LGSN: variants seen among roughly 807,000 people sequenced by gnomAD.
The protein encoded by LGSN is lengsin.
LGSN carries 21 observed loss-of-function variants against 19.5 expected under a neutral mutation model. The ratio of observed to expected loss-of-function variants is 1.07; its 90% confidence interval spans 0.76 to 1.55. The LOEUF is 1.55. Among genes scored for constraint, LGSN ranks in the 40% most tolerant of loss-of-function variants. The probability of loss-of-function intolerance (pLI) is 0.00; values close to 1 mark genes in which losing one functional copy is unlikely to be tolerated. For synonymous variants in LGSN, 257 were observed against 215.6 expected (o/e 1.19, Z -1.68); for missense variants, 673 against 608.5 (o/e 1.11, Z -1.12).
At chr6:63,362,006 GT>G in the LGSN span, among the ~76,000 whole-genome samples, 1 of 152,168 alleles carries the variant, frequency 6.6e-6, no homozygotes, top group Non-Finnish European at 1.5e-5. Flanking sequence ...AACTATTTGT[GT>G]TGACAGAGTT....
At chr6:63,421,548 T>C in the LGSN span, among the ~76,000 whole-genome samples, 855 of 152,076 alleles carry the variant, frequency 5.6e-3, 8 homozygotes, top group African/African-American at 0.019. Context: ...ACCAACATGG[T>C]GAAACCTCGT....
At chr6:63,389,593 T>A in the LGSN span, among the ~76,000 whole-genome samples, 1 of 152,188 alleles carries the variant, frequency 6.6e-6, no homozygotes, top group East Asian at 1.9e-4. Context: ...TGAACAATGG[T>A]CCTGTGTAGT....
the LGSN span, among the ~76,000 whole-genome samples, chr6:63,367,333 T>C: frequency 7.9e-5 from 12 of 151,906 alleles, no homozygotes; most frequent in Non-Finnish European, 1.5e-4. Context: ...AACAAACACA[T>C]GAAAAAATGC....
the LGSN span, among the ~76,000 whole-genome samples, chr6:63,466,471 C>T: frequency 3.9e-5 from 6 of 152,272 alleles, no homozygotes; most frequent in Non-Finnish European, 8.8e-5. Context: ...TTAATGGATG[C>T]TCTGGCTACT....
chr6:63,548,977 G>C, the LGSN span: 1 of 740,810 alleles, frequency 1.3e-6, no homozygotes, highest in Non-Finnish European at 2.4e-6. Context: ...TAAGGGACCC[G>C]CATTTTATGA....
At chr6:63,554,869 G>T in the LGSN span, among the ~76,000 whole-genome samples, 1 of 152,138 alleles carries the variant, frequency 6.6e-6, no homozygotes, top group Non-Finnish European at 1.5e-5. Flanking sequence ...TCTTATTTAT[G>T]TTTGTATATC....
At chr6:63,384,489 T>TTTTGTG in the LGSN span, among the ~76,000 whole-genome samples, 2 of 131,504 alleles carry the variant, frequency 1.5e-5, no homozygotes, top group African/African-American at 5.8e-5. Flanking sequence ...AAATAACACC[T>TTTTGTG]TGTGTGTGTG....
At chr6:63,493,743 C>T in the LGSN span, among the ~76,000 whole-genome samples, 1 of 152,040 alleles carries the variant, frequency 6.6e-6, no homozygotes, top group African/African-American at 2.4e-5. Context: ...ACTTCTAAGC[C>T]CCATGAATGA....
At chr6:63,457,615 C>T in the LGSN span, among the ~76,000 whole-genome samples, 196 of 152,220 alleles carry the variant, frequency 1.3e-3, no homozygotes, top group Middle Eastern at 6.8e-3. Flanking sequence ...TGGTGGCTTA[C>T]GCCTGTAATT....
the LGSN span, among the ~76,000 whole-genome samples, chr6:63,564,576 C>A: frequency 6.6e-6 from 1 of 152,208 alleles, no homozygotes; most frequent in African/African-American, 2.4e-5. Flanking sequence ...AGCCTAAATG[C>A]CAACTCTGTA....
the LGSN span, among the ~76,000 whole-genome samples, chr6:63,328,623 C>T: frequency 3.0e-3 from 458 of 152,330 alleles, 3 homozygotes; most frequent in African/African-American, 0.01. Context: ...CTTAGGTATG[C>T]CACTGGTTGT....
At chr6:63,309,074 A>G (rs1768520456) in intron 1 of LGSN, among the ~76,000 whole-genome samples, 1 of 152,222 alleles carries the variant, frequency 6.6e-6, no homozygotes, top group South Asian at 2.1e-4. Context: ...TGAAAGTAGC[A>G]TACGAGAAAG....
chr6:63,542,632 G>A, the LGSN span, among the ~76,000 whole-genome samples: 296 of 152,048 alleles, frequency 1.9e-3, 1 homozygote, highest in African/African-American at 6.6e-3. Context: ...TCTCCTTGGC[G>A]CTTCACATAG....
At chr6:63,481,375 C>T in the LGSN span, among the ~76,000 whole-genome samples, 1 of 145,684 alleles carries the variant, frequency 6.9e-6, no homozygotes, top group Admixed American at 6.8e-5. Context: ...CGGGGTCTGG[C>T]TCTGTCGCCC....
At chr6:63,502,710 C>T in the LGSN span, among the ~76,000 whole-genome samples, 1 of 152,216 alleles carries the variant, frequency 6.6e-6, no homozygotes, top group African/African-American at 2.4e-5. Context: ...ACGAGTAAAT[C>T]CTGAAATTTG....
chr6:63,390,866 A>C, the LGSN span, among the ~76,000 whole-genome samples: 1 of 151,204 alleles, frequency 6.6e-6, no homozygotes, highest in African/African-American at 2.4e-5. Context: ...TCTCAAAAAA[A>C]AAAAAAAAAA....
the LGSN span, among the ~76,000 whole-genome samples, chr6:63,374,805 G>A: frequency 3.3e-5 from 5 of 152,176 alleles, no homozygotes; most frequent in East Asian, 9.6e-4. Context: ...GTCTTCCACA[G>A]TATCCCTGAT....
the LGSN span, among the ~76,000 whole-genome samples, chr6:63,376,880 C>A: frequency 6.6e-6 from 1 of 152,158 alleles, no homozygotes; most frequent in Non-Finnish European, 1.5e-5. Flanking sequence ...CTATTCTTGT[C>A]CAAACACAAT....
the LGSN span, among the ~76,000 whole-genome samples, chr6:63,505,565 A>AAAGAAAGAAAGAAAG: frequency 1.2e-4 from 7 of 58,674 alleles, no homozygotes; most frequent in African/African-American, 5.3e-4. Flanking sequence ...AAAAAAAAAA[A>AAAGAAAGAAAGAAAG]AAAGAAAGAA....
Sources: gnomAD v4.1 joint callset for allele counts (sites outside exome capture counted in the v4.1 genomes callset) on GRCh38, gnomAD v4.1.1 for gene constraint, MANE v1.5 for transcripts, NCBI Gene and HGNC (gene_info 2026-07-23, HGNC 2026-07-21) for gene names.